CCDC149: variants seen among roughly 807,000 people sequenced by gnomAD.
The protein encoded by CCDC149 is coiled-coil domain-containing protein 149.
In CCDC149, 45 loss-of-function variants were observed where a neutral mutation model predicts 59.9. The ratio of observed to expected loss-of-function variants is 0.75; its 90% CI spans 0.59 to 0.96. The LOEUF (loss-of-function observed/expected upper bound fraction) is 0.96. CCDC149 is among the 40% of genes least tolerant of loss of function. CCDC149 has a pLI of 0.00. For missense variants in CCDC149, 584 were observed against 664.7 expected (o/e 0.88, Z 1.33); for synonymous variants, 245 against 260.6 (o/e 0.94, Z 0.58).
chr4:24,876,322 CACACACACACACACACACAG>C (rs1472635554), intron 2 of CCDC149, among the ~76,000 whole-genome samples, 194 bp downstream of exon 2: 1 of 150,638 alleles, frequency 6.6e-6, no homozygotes, highest in African/African-American at 2.5e-5. Context: ...CACACACACA[CACACACACACACACACACAG>C]AGAGAGAGAG....
intron 1 of CCDC149, among the ~76,000 whole-genome samples, chr4:24,924,902 A>G (rs56210901): frequency 0.01 from 1,571 of 152,286 alleles, 22 homozygotes; most frequent in African/African-American, 0.035. Flanking sequence ...GGAAAATGCA[A>G]TCTACCACAG....
chr4:24,969,548 C>T (rs547980150), intron 1 of CCDC149, among the ~76,000 whole-genome samples: 11 of 152,294 alleles, frequency 7.2e-5, no homozygotes, highest in African/African-American at 9.6e-5. Flanking sequence ...AATGGGTTAC[C>T]CTCATATGTC....
At chr4:24,906,406 T>TTTTATTTTATTTTATTTTATTTTA (rs1560249602) in intron 1 of CCDC149, among the ~76,000 whole-genome samples, 50 of 145,954 alleles carry the variant, frequency 3.4e-4, no homozygotes, top group African/African-American at 1.1e-3. Context: ...TTTTATTTTA[T>TTTTATTTTATTTTATTTTATTTTA]TTTACTTTAT....
chr4:24,876,401 T>C (rs1394070383), intron 2 of CCDC149, 135 bp downstream of exon 2: 1 of 851,702 alleles, frequency 1.2e-6, no homozygotes, highest in Non-Finnish European at 1.8e-6. Context: ...ATAGAGGTGG[T>C]GACTTTTACT....
chr4:24,894,524 T>C (rs1345085135), intron 1 of CCDC149, among the ~76,000 whole-genome samples: 1 of 152,060 alleles, frequency 6.6e-6, no homozygotes, highest in Non-Finnish European at 1.5e-5. Flanking sequence ...GCAATCAAAA[T>C]AGTCATTTTC....
chr4:24,831,877 T>A (rs1375513553), intron 8 of CCDC149, among the ~76,000 whole-genome samples: 2 of 152,238 alleles, frequency 1.3e-5, no homozygotes, highest in African/African-American at 4.8e-5. Flanking sequence ...TTTAAGAAGA[T>A]AATAATATTT....
At chr4:24,868,556 C>T (rs576784310) in intron 3 of CCDC149, among the ~76,000 whole-genome samples, 15 of 152,174 alleles carry the variant, frequency 9.9e-5, no homozygotes, top group African/African-American at 3.4e-4. Flanking sequence ...GTTGTCTGTT[C>T]GTAGCATCTC....
downstream of CCDC149, among the ~76,000 whole-genome samples, chr4:24,803,702 C>T (rs1713988705): frequency 6.6e-6 from 1 of 152,190 alleles, no homozygotes; most frequent in Non-Finnish European, 1.5e-5. The surrounding 1 kb of genome is among the most constrained non-coding windows in gnomAD (Gnocchi z 4.3). Flanking sequence ...AATAGGCTAC[C>T]ACTGGCCTCT....
chr4:24,942,850 G>A (rs953748361), intron 1 of CCDC149, among the ~76,000 whole-genome samples: 48 of 151,886 alleles, frequency 3.2e-4, no homozygotes, highest in Non-Finnish European at 2.9e-5. Context: ...GGGATGTGAG[G>A]GAACTCTTCA....
intron 1 of CCDC149, among the ~76,000 whole-genome samples, chr4:24,905,406 CGTGCGTGCGTGTGTGTGTGTGT>C (rs1721426752): frequency 1.8e-5 from 2 of 110,342 alleles, no homozygotes; most frequent in African/African-American, 6.5e-5. Context: ...TTTCTTTTTG[CGTGCGTGCGTGTGTGTGTGTGT>C]GTGTGTGTGT....
At chr4:24,893,004 CA>C (rs1462044814) in intron 1 of CCDC149, among the ~76,000 whole-genome samples, 1 of 152,186 alleles carries the variant, frequency 6.6e-6, no homozygotes, top group Non-Finnish European at 1.5e-5. Context: ...CCCTCATTAA[CA>C]AACCTACTAC....
At chr4:24,838,337 A>C in intron 4 of CCDC149, 65 bp from the exon 5 acceptor site, 1 of 1,167,836 alleles carries the variant, frequency 8.6e-7, no homozygotes. Context: ...ATAAAAACCA[A>C]AGGACACTAA....
At chr4:24,831,757 T>C (rs910966259) in intron 8 of CCDC149, 107 bp from the exon 9 acceptor site, 48 of 1,002,122 alleles carry the variant, frequency 4.8e-5, no homozygotes, top group Non-Finnish European at 6.4e-5. Context: ...AGCTTCAAAA[T>C]GCTACTATGT....
intron 1 of CCDC149, among the ~76,000 whole-genome samples, chr4:24,951,456 G>A (rs937362337): frequency 3.9e-5 from 6 of 152,042 alleles, no homozygotes; most frequent in African/African-American, 1.2e-4. Context: ...ATTATTAATG[G>A]GAAAAATAAT....
At chr4:24,825,683 G>C (rs1040714083) in intron 9 of CCDC149, among the ~76,000 whole-genome samples, 1 of 151,590 alleles carries the variant, frequency 6.6e-6, no homozygotes, top group Non-Finnish European at 1.5e-5. Context: ...TGAGGCAGGA[G>C]AATGGCGTGA....
At chr4:24,873,066 A>G (rs1002139444) in intron 3 of CCDC149, among the ~76,000 whole-genome samples, 21 of 151,806 alleles carry the variant, frequency 1.4e-4, no homozygotes, top group African/African-American at 4.1e-4. Flanking sequence ...GTGCACCCAC[A>G]GAACAGCAGG....
chr4:24,884,478 A>G (rs1172874305), intron 1 of CCDC149, among the ~76,000 whole-genome samples: 2 of 152,242 alleles, frequency 1.3e-5, no homozygotes, highest in Non-Finnish European at 2.9e-5. Context: ...TAAGCAATGC[A>G]TGGGTATAGC....
At position 24,867,022 on chromosome 4, in the gene CCDC149, TC is replaced by T. The variant is rs753765020; in HGVS notation, c.264+6658del. Reference sequence around the variant, plus strand: ...CTACGGTTTTTCCCAGCTCAAACAGTCTAAGAATCGAATATAGAACAAAAAG... The same window carrying T: ...CTACGGTTTTTCCCAGCTCAAACAGTTAAGAATCGAATATAGAACAAAAAG... On this transcript the variant is annotated intron_variant, in intron 3 of 12. Transcript: ENST00000635206. 2.9e-4 allele frequency among the ~76,000 whole-genome samples: 44 copies of T among 152,098 alleles called. 1 individual carries two copies. The East Asian group carries it at 6.4e-3, about 22-fold the overall frequency.
intron 8 of CCDC149, 85 bp from the exon 9 acceptor site, chr4:24,831,735 T>C (rs1716168282): frequency 3.2e-6 from 4 of 1,242,098 alleles, no homozygotes; most frequent in Non-Finnish European, 3.4e-6. Flanking sequence ...TCTTGGATAA[T>C]GATATGTCCC....
Sources: gnomAD v4.1 joint callset for allele counts (sites outside exome capture counted in the v4.1 genomes callset) on GRCh38, gnomAD v4.1.1 for gene constraint, Gnocchi (gnomAD v3.1) non-coding constraint, MANE v1.5 for transcripts, NCBI Gene and HGNC (gene_info 2026-07-23, HGNC 2026-07-21) for gene names.